Variants in HBS1L observed in about 807,000 individuals in gnomAD.
HBS1L encodes the protein HBS1-like protein.
HBS1L carries 55 observed loss-of-function variants against 88.9 expected under a neutral mutation model. That is an observed-to-expected ratio of 0.62 (90% CI 0.50 to 0.77). The LOEUF is 0.77. Ranked by LOEUF, HBS1L falls within the 30% of genes least tolerant of loss-of-function variation. HBS1L has a pLI of 0.00. For synonymous variants in HBS1L, 267 were observed against 288.5 expected, an observed-to-expected ratio of 0.93 and a Z score of 0.76; for missense variants, 741 against 829.3, an observed-to-expected ratio of 0.89 and a Z score of 1.31.
intron 4 of HBS1L, chr6:135,037,293 T>A (rs1421048246): frequency 6.4e-7 from 1 of 1,551,936 alleles, no homozygotes; most frequent in Admixed American, 2.0e-5. Context: ...AGCACTGGCT[T>A]ATATTGTTTT....
intron 4 of HBS1L, among the ~76,000 whole-genome samples, chr6:135,009,097 G>C (rs1240312791): frequency 1.3e-5 from 2 of 152,078 alleles, no homozygotes. Flanking sequence ...TCTTCAGCCA[G>C]GTGCTTTACA....
chr6:134,983,928 G>T (rs1361281658), intron 12 of HBS1L, among the ~76,000 whole-genome samples: 1 of 152,102 alleles, frequency 6.6e-6, no homozygotes, highest in Non-Finnish European at 1.5e-5. Context: ...ACCAAGGGAG[G>T]AGTTTCAAGG....
At chr6:135,038,499 G>C (rs1458977436) in intron 4 of HBS1L, among the ~76,000 whole-genome samples, 2 of 152,156 alleles carry the variant, frequency 1.3e-5, no homozygotes, top group African/African-American at 4.8e-5. Context: ...ACATATTACA[G>C]ACTCATTCCC....
intron 12 of HBS1L, chr6:134,983,016 C>G (rs1774876372): frequency 6.6e-6 from 1 of 152,354 alleles, no homozygotes; most frequent in African/African-American, 2.4e-5. Context: ...ACATCTGGCA[C>G]TCTGAAGAAG....
intron 4 of HBS1L, among the ~76,000 whole-genome samples, chr6:135,018,256 G>C (rs1775978351): frequency 6.6e-6 from 1 of 152,014 alleles, no homozygotes; most frequent in Non-Finnish European, 1.5e-5. Context: ...CTCGGCTATG[G>C]AGAATAAACC....
At chr6:134,989,299 A>T (rs900232023) in intron 8 of HBS1L, among the ~76,000 whole-genome samples, 1 of 152,162 alleles carries the variant, frequency 6.6e-6, no homozygotes, top group African/African-American at 2.4e-5. Context: ...TTGTATGCAT[A>T]CCTGTTTGTC....
At chr6:134,980,102 T>C (rs983719055) in intron 13 of HBS1L, among the ~76,000 whole-genome samples, 4 of 152,040 alleles carry the variant, frequency 2.6e-5, no homozygotes, top group African/African-American at 9.7e-5. Context: ...TCCATAGAAA[T>C]GTAGGCCTTT....
intron 4 of HBS1L, among the ~76,000 whole-genome samples, chr6:135,004,071 T>C (rs768801689): frequency 2.5e-4 from 38 of 152,076 alleles, no homozygotes; most frequent in Non-Finnish European, 1.0e-4. Flanking sequence ...ATGTGCTACA[T>C]TGGTAAACAC....
At chr6:135,046,896 C>A (rs73774555) in intron 2 of HBS1L, among the ~76,000 whole-genome samples, 5,578 of 152,104 alleles carry the variant, frequency 0.037, 353 homozygotes, top group African/African-American at 0.13. Flanking sequence ...GAAAATATAC[C>A]ACTATAGAGG....
intron 3 of HBS1L, among the ~76,000 whole-genome samples, chr6:135,041,069 A>G (rs1223179575): frequency 6.6e-6 from 1 of 152,020 alleles, no homozygotes; most frequent in Admixed American, 6.5e-5. Context: ...CCACAAAACC[A>G]TTTCACAGAA....
At chr6:135,006,885 A>G (rs1175568087) in intron 4 of HBS1L, among the ~76,000 whole-genome samples, 1 of 151,956 alleles carries the variant, frequency 6.6e-6, no homozygotes, top group African/African-American at 2.4e-5. Flanking sequence ...GGCATGGGGG[A>G]TTCTGGCCTC....
rs58274929 is a variant in HBS1L at position 134,961,090 on chromosome 6, C to CTTTTTTTTTTTTTTTTTTT, written c.*4170_*4188dup. On this transcript the variant is annotated 3_prime_UTR_variant, in exon 18 of 18. Transcript: ENST00000367837. The stretch of plus-strand genomic sequence containing the variant: ...TTGCTGTACAGACTTAGTTTCTTTG[C>CTTTTTTTTTTTTTTTTTTT]TTTTTTTTTTTTTTTTTTTGCATTG... The CTTTTTTTTTTTTTTTTTTT allele has an allele frequency of 1.9e-5, 2 of 106,222 alleles. No homozygotes were observed. Among genetic ancestry groups the CTTTTTTTTTTTTTTTTTTT allele is most frequent in the East Asian group, 2.7e-4 (1 of 3,658 alleles). The allele number at this position is 106,222 out of a possible 1,614,324, so 6.6% of individuals were successfully genotyped here.
intron 8 of HBS1L, among the ~76,000 whole-genome samples, chr6:134,990,907 T>G (rs1775114319): frequency 6.6e-6 from 1 of 152,112 alleles, no homozygotes; most frequent in South Asian, 2.1e-4. Context: ...AATTCAGAAG[T>G]ATTTTTTACT....
intron 4 of HBS1L, among the ~76,000 whole-genome samples, chr6:135,023,366 C>T (rs1238334296): frequency 6.6e-6 from 1 of 152,100 alleles, no homozygotes; most frequent in Non-Finnish European, 1.5e-5. Context: ...GTGGTGTGAA[C>T]CCCAGAGGCG....
At chr6:135,017,738 G>T (rs1312787175) in intron 4 of HBS1L, among the ~76,000 whole-genome samples, 1 of 151,846 alleles carries the variant, frequency 6.6e-6, no homozygotes, top group East Asian at 1.9e-4. Flanking sequence ...GATAAATTAT[G>T]TTATCTCAAG....
At position 135,009,217 on chromosome 6, in the gene HBS1L, G is replaced by A. The variant is rs138573074; in HGVS notation, c.431-6375C>T. On this transcript the variant is annotated intron_variant, in intron 4 of 17. Transcript: ENST00000367837. ...ATCTGCCAGAGGCCATACAACTGTG[G>A]CCTGTGACATAGCTAAATTAAAATA... 2.6e-5 allele frequency among the ~76,000 whole-genome samples: 4 copies of A among 152,276 alleles called. No individual in the cohort carries two copies. The East Asian group carries it at 7.7e-4, about 29-fold the overall frequency.
rs73549290 is a variant in HBS1L, at chr6:134,998,951, C to T, written c.540-1295G>A. On this transcript the variant is annotated intron_variant, in intron 5 of 17. Transcript: ENST00000367837. ...AATGTTCCCATACTTTTAAAGGATTCTAACAGGCTAAATTAAGTGAAATCA... is the reference window on the plus strand; with the variant it reads ...AATGTTCCCATACTTTTAAAGGATTTTAACAGGCTAAATTAAGTGAAATCA... Among the ~76,000 whole-genome samples the T allele has an allele frequency of 8.2e-3, 1,254 of 152,244 alleles. 21 individuals carry two copies. The highest frequency in any genetic ancestry group is 0.028 in the African/African-American group (1,183 of 41,554).
At chr6:134,998,760 A>T (rs1470327148) in intron 5 of HBS1L, among the ~76,000 whole-genome samples, 1 of 152,198 alleles carries the variant, frequency 6.6e-6, no homozygotes, top group Non-Finnish European at 1.5e-5. Flanking sequence ...TCAGGAAAAG[A>T]GTCACAATAG....
At chr6:134,994,202 A>G (rs1775225509) in intron 7 of HBS1L, among the ~76,000 whole-genome samples, 1 of 152,130 alleles carries the variant, frequency 6.6e-6, no homozygotes, top group Non-Finnish European at 1.5e-5. Flanking sequence ...GGGGGAAAAT[A>G]CTGCATATGA....
Sources: allele counts gnomAD v4.1 joint callset (sites outside exome capture counted in the v4.1 genomes callset), GRCh38; gene constraint gnomAD v4.1.1; transcripts MANE v1.5; gene names NCBI Gene and HGNC (gene_info 2026-07-23, HGNC 2026-07-21).